Variants in ATXN1 observed in about 807,000 individuals in gnomAD.
ATXN1 encodes the protein ataxin-1.
In ATXN1, 8 loss-of-function variants were observed where a neutral mutation model predicts 56.4. The observed-to-expected ratio is 0.14, with a 90% confidence interval of 0.08 to 0.26. The LOEUF (loss-of-function observed/expected upper bound fraction) is 0.26. Ranked by LOEUF, ATXN1 falls within the 10% of genes least tolerant of loss-of-function variation. The pLI is 1.00. For missense variants in ATXN1, 987 were observed against 1,106.5 expected (o/e 0.89, Z 1.53); for synonymous variants, 514 against 494.6 (o/e 1.04, Z -0.52).
At chr6:16,442,716 C>T (rs1481926399) in intron 6 of ATXN1, among the ~76,000 whole-genome samples, 3 of 152,138 alleles carry the variant, frequency 2.0e-5, no homozygotes, top group Admixed American at 1.3e-4. Flanking sequence ...TTATTCTAAA[C>T]ATTTTTACTG....
chr6:16,441,220 G>A (rs1051629736), intron 6 of ATXN1, among the ~76,000 whole-genome samples: 1 of 152,138 alleles, frequency 6.6e-6, no homozygotes. Context: ...AAACTTTTGA[G>A]AGCAGAATCT....
chr6:16,337,647 T>C (rs1761153691), intron 6 of ATXN1, among the ~76,000 whole-genome samples: 2 of 152,222 alleles, frequency 1.3e-5, no homozygotes, highest in African/African-American at 4.8e-5. Flanking sequence ...CAGAAGCAAA[T>C]ACTTTTTTGC....
At chr6:16,741,944 G>T (rs1760354077) in intron 2 of ATXN1, among the ~76,000 whole-genome samples, 1 of 152,190 alleles carries the variant, frequency 6.6e-6, no homozygotes, top group Non-Finnish European at 1.5e-5. Flanking sequence ...TGTTCCTTCT[G>T]AAGAGTAGAG....
At chr6:16,704,210 A>T (rs143601415) in intron 2 of ATXN1, among the ~76,000 whole-genome samples, 16 of 152,172 alleles carry the variant, frequency 1.1e-4, no homozygotes, top group African/African-American at 3.9e-4. Context: ...TTCATTTCCT[A>T]TCTAATTTGG....
At chr6:16,334,301 C>T (rs1761062902) in intron 6 of ATXN1, among the ~76,000 whole-genome samples, 2 of 152,110 alleles carry the variant, frequency 1.3e-5, no homozygotes. Context: ...CTCAATTAGC[C>T]TACTAGCAGG....
intron 3 of ATXN1, among the ~76,000 whole-genome samples, chr6:16,625,063 A>G (rs937097397): frequency 6.6e-6 from 1 of 152,232 alleles, no homozygotes; most frequent in Non-Finnish European, 1.5e-5. Flanking sequence ...GGGAATGGAA[A>G]AACAGCCAAG....
rs1759629016 is a variant in ATXN1, at chr6:16,446,058, C to A, written c.-161+39914G>T. ...ATACCCAGTAATGGGATGGCTGGGT[C>A]AAATGGTATTTCTAGTTCTAGATCC... On this transcript the variant is annotated intron_variant, in intron 6 of 7. Transcript: ENST00000436367. Among the ~76,000 whole-genome samples the A allele has an allele frequency of 8.6e-5, 13 of 151,840 alleles. No individual in the cohort carries two copies. In the South Asian group the frequency reaches 2.5e-3, roughly 29 times the overall value.
At chr6:16,593,158 A>G (rs1762753903) in intron 3 of ATXN1, among the ~76,000 whole-genome samples, 1 of 152,144 alleles carries the variant, frequency 6.6e-6, no homozygotes, top group Non-Finnish European at 1.5e-5. Flanking sequence ...CCCTTGGAAG[A>G]CAGAAAAGTT....
intron 6 of ATXN1, among the ~76,000 whole-genome samples, chr6:16,363,128 T>A (rs752170066): frequency 1.3e-5 from 2 of 152,204 alleles, no homozygotes; most frequent in Non-Finnish European, 2.9e-5. Context: ...TCTGGAAAAA[T>A]GATTGCTTAC....
chr6:16,643,368 C>A (rs904160077), intron 3 of ATXN1, among the ~76,000 whole-genome samples: 5 of 152,066 alleles, frequency 3.3e-5, no homozygotes, highest in African/African-American at 1.2e-4. Context: ...GTGGCTCACG[C>A]CTGTAATTCC....
intron 7 of ATXN1, among the ~76,000 whole-genome samples, chr6:16,314,620 T>C (rs1488485679): frequency 6.6e-6 from 1 of 152,040 alleles, no homozygotes; most frequent in Non-Finnish European, 1.5e-5. Context: ...GTTATTATTA[T>C]TATTTTTTTT....
At chr6:16,460,255 T>C (rs1342506482) in intron 6 of ATXN1, among the ~76,000 whole-genome samples, 1 of 152,190 alleles carries the variant, frequency 6.6e-6, no homozygotes, top group African/African-American at 2.4e-5. Flanking sequence ...AAAACTTCTC[T>C]TTATACCTCA....
In ATXN1 at chr6:16,463,687, T is replaced by C. The variant is rs553132462; in HGVS notation, c.-161+22285A>G. On this transcript the variant is annotated intron_variant, in intron 6 of 7. Coordinates refer to ENST00000436367, the MANE Select transcript of ATXN1 (RefSeq NM_001128164.2). ...CTAACCACTCAGGGATAGTACAAGA[T>C]GCTGCCCAGCAGTTACAGGAAAAGG... Among the ~76,000 whole-genome samples the C allele has an allele frequency of 2.6e-5, 4 of 152,318 alleles. 1 individual carries two copies. Among genetic ancestry groups the C allele is most frequent in the Admixed American group, 6.5e-5 (1 of 15,302 alleles).
At chr6:16,320,946 C>T (rs1460807590) in intron 7 of ATXN1, among the ~76,000 whole-genome samples, 1 of 152,198 alleles carries the variant, frequency 6.6e-6, no homozygotes, top group Non-Finnish European at 1.5e-5. Flanking sequence ...TCTTTCTAGA[C>T]TTTCATCAGC....
chr6:16,414,738 A>G (rs181340084), intron 6 of ATXN1, among the ~76,000 whole-genome samples: 35 of 152,382 alleles, frequency 2.3e-4, no homozygotes, highest in African/African-American at 8.2e-4. Context: ...CTCCTTAAGC[A>G]GACACAGCTT....
chr6:16,382,147 C>A lies in ATXN1; in HGVS notation c.-160-53677G>T, dbSNP rs1581725943. On this transcript the variant is annotated intron_variant, in intron 6 of 7. Transcript: ENST00000436367. ...TCCCTTGAGGCCAGGAGTTTAAGAC[C>A]AGCCTGGGCAACATAGCAAGACCCC... 2.0e-5 allele frequency among the ~76,000 whole-genome samples: 3 copies of A among 152,012 alleles called. No individual in the cohort carries two copies. The East Asian group carries it at 5.8e-4, about 29-fold the overall frequency.
chr6:16,615,150 A>C lies in ATXN1; in HGVS notation c.-488-29243T>G, dbSNP rs947479568. 7 of 147,658 alleles carry C rather than the reference A, an allele frequency of 4.7e-5. No homozygotes were observed. In the South Asian group the frequency reaches 1.5e-3, roughly 32 times the overall value. The allele number at this position is 147,658 out of a possible 1,614,324, so 9.1% of individuals were successfully genotyped here. On this transcript the variant is annotated intron_variant, in intron 3 of 7. Transcript: ENST00000436367. ...AATTTCAAAGCTTCCAGGATGCTAC[A>C]TGTGCCTTAATGGGGGCAAAGGTAC... is the stretch of plus-strand genomic sequence containing the variant.
At chr6:16,513,917 T>C (rs1231367054) in intron 5 of ATXN1, among the ~76,000 whole-genome samples, 1 of 152,152 alleles carries the variant, frequency 6.6e-6, no homozygotes, top group Non-Finnish European at 1.5e-5. Flanking sequence ...AATTCTCTTC[T>C]CTCCCAGTAG....
At chr6:16,456,843 G>T (rs1410215383) in intron 6 of ATXN1, among the ~76,000 whole-genome samples, 1 of 152,112 alleles carries the variant, frequency 6.6e-6, no homozygotes, top group Non-Finnish European at 1.5e-5. Flanking sequence ...CAATCAGAAA[G>T]ACATAATTTT....
Sources: allele counts gnomAD v4.1 joint callset (sites outside exome capture counted in the v4.1 genomes callset), GRCh38; gene constraint gnomAD v4.1.1; transcripts MANE v1.5; gene names NCBI Gene and HGNC (gene_info 2026-07-23, HGNC 2026-07-21).